The following SIM1 variants were observed in gnomAD, a reference collection of about 807,000 sequenced individuals.
SIM1 encodes single-minded homolog 1.
A neutral mutation model predicts 78.2 loss-of-function variants in SIM1; 18 were observed. The ratio of observed to expected loss-of-function variants is 0.23; its 90% CI spans 0.16 to 0.34. SIM1 has a LOEUF of 0.34. Ranked by LOEUF, SIM1 falls within the 10% of genes least tolerant of loss-of-function variation. SIM1 has a pLI of 1.00. For synonymous variants in SIM1, 417 were observed against 385.2 expected (o/e 1.08, Z -0.97); for missense variants, 939 against 975.1 (o/e 0.96, Z 0.49).
chr6:100,423,097 A>T (rs1771638315), intron 9 of SIM1, among the ~76,000 whole-genome samples: 1 of 152,174 alleles, frequency 6.6e-6, no homozygotes, highest in African/African-American at 2.4e-5. Flanking sequence ...TCACTGGTCT[A>T]CTTTTTAGCT....
rs1770565742 is a variant in SIM1, at chr6:100,388,752, T to C, written c.*1609A>G. 1 of 152,186 alleles carries C rather than the reference T, an allele frequency of 6.6e-6. No homozygotes were observed. The highest frequency in any genetic ancestry group is 2.4e-5 in the African/African-American group (1 of 41,448). The allele number at this position is 152,186 out of a possible 1,614,324, so 9.4% of individuals were successfully genotyped here. ...GGCACGGGACTCCTAGGAAATATTA[T>C]CTATGAAATCTCTCTAATCACTTAT... On this transcript the variant is annotated 3_prime_UTR_variant, in exon 12 of 12. Coordinates refer to ENST00000369208, the MANE Select transcript of SIM1 (RefSeq NM_005068.3).
intron 3 of SIM1, among the ~76,000 whole-genome samples, 166 bp from the exon 4 acceptor site, chr6:100,450,522 T>A (rs984637779): frequency 6.6e-6 from 1 of 152,148 alleles, no homozygotes; most frequent in East Asian, 1.9e-4. Flanking sequence ...AGCCCTTTTG[T>A]TCATTCTAAA....
At chr6:100,458,767 A>T (rs1211429738) in intron 2 of SIM1, among the ~76,000 whole-genome samples, 2 of 152,212 alleles carry the variant, frequency 1.3e-5, no homozygotes, top group East Asian at 1.9e-4. Flanking sequence ...GCCGAGGCCG[A>T]GTGACAAGGC....
intron 10 of SIM1, among the ~76,000 whole-genome samples, chr6:100,403,171 A>G (rs1770970510): frequency 6.6e-6 from 1 of 152,224 alleles, no homozygotes; most frequent in Admixed American, 6.5e-5. Context: ...CATTTTGCAA[A>G]TTAAAATATG....
At chr6:100,458,110 G>A (rs769889164) in intron 2 of SIM1, among the ~76,000 whole-genome samples, 19 of 149,062 alleles carry the variant, frequency 1.3e-4, no homozygotes, top group Non-Finnish European at 2.4e-4. Context: ...TGGGCTTCCC[G>A]TAGGGATAGA....
At chr6:100,435,110 G>C (rs1225962830) in intron 9 of SIM1, among the ~76,000 whole-genome samples, 3 of 152,216 alleles carry the variant, frequency 2.0e-5, no homozygotes, top group Admixed American at 2.0e-4. Context: ...ATGGGCTCAG[G>C]ATATCGACTG....
chr6:100,455,521 TCC>T (rs1772624469), intron 2 of SIM1, among the ~76,000 whole-genome samples: 1 of 152,084 alleles, frequency 6.6e-6, no homozygotes, highest in Non-Finnish European at 1.5e-5. Flanking sequence ...TCTTTCTAAA[TCC>T]CGGCTCCGAC....
intron 9 of SIM1, among the ~76,000 whole-genome samples, chr6:100,425,416 C>T (rs1208553978): frequency 6.6e-6 from 1 of 152,134 alleles, no homozygotes; most frequent in Non-Finnish European, 1.5e-5. Flanking sequence ...GCTAAGTTAG[C>T]AAATGGGGAC....
intron 10 of SIM1, among the ~76,000 whole-genome samples, chr6:100,401,489 T>C (rs1184298568): frequency 6.6e-6 from 1 of 152,078 alleles, no homozygotes; most frequent in Non-Finnish European, 1.5e-5. Context: ...AAGAGAATAT[T>C]CTTGTCCTTA....
intron 10 of SIM1, among the ~76,000 whole-genome samples, chr6:100,406,851 G>T (rs1562236994): frequency 6.6e-6 from 1 of 152,128 alleles, no homozygotes; most frequent in Non-Finnish European, 1.5e-5. Flanking sequence ...GAAAACTTAA[G>T]ATTATTCTTA....
At chr6:100,447,749 C>G (rs17060615) in intron 8 of SIM1, among the ~76,000 whole-genome samples, 38,290 of 152,186 alleles carry the variant, frequency 0.25, 5,216 homozygotes, top group East Asian at 0.4. Flanking sequence ...CTCCGGCGCT[C>G]ACGATCCCTG....
At chr6:100,443,986 T>A (rs1772285818) in intron 9 of SIM1, among the ~76,000 whole-genome samples, 1 of 152,126 alleles carries the variant, frequency 6.6e-6, no homozygotes, top group South Asian at 2.1e-4. Context: ...TATACTCTAG[T>A]GGGTTATCTT....
chr6:100,450,696 T>TCTCTCTCTCACA (rs1421452803), intron 3 of SIM1, among the ~76,000 whole-genome samples: 4,620 of 91,722 alleles, frequency 0.05, 121 homozygotes, highest in South Asian at 0.079. Context: ...TCTCTCTCTC[T>TCTCTCTCTCACA]CACACACACA....
At chr6:100,421,003 A>C (rs777346239) in intron 9 of SIM1, 45 bp from the exon 10 acceptor site, 1 of 1,579,858 alleles carries the variant, frequency 6.3e-7, no homozygotes, top group East Asian at 2.3e-5. Flanking sequence ...ACCATAGGAA[A>C]TGGATTCATG....
At chr6:100,415,817 C>G (rs1771383770) in intron 10 of SIM1, among the ~76,000 whole-genome samples, 1 of 152,106 alleles carries the variant, frequency 6.6e-6, no homozygotes, top group South Asian at 2.1e-4. Flanking sequence ...CCAGAAAGAG[C>G]AGACAGTAAA....
Position 100,420,780 on chromosome 6 carries a change from A to C in SIM1, c.1167+10T>G. On this transcript the variant is annotated intron_variant, in intron 10 of 11. Coordinates refer to ENST00000369208, the MANE Select transcript of SIM1 (RefSeq NM_005068.3). ...AAAAAAAGAAAGTTGCAAAACAGCA[A>C]TGCACTTACCTGAGGGTATGGGGAA... The C allele has an allele frequency of 1.2e-6, 2 of 1,614,018 alleles. No individual in the cohort carries two copies. Among genetic ancestry groups the C allele is most frequent in the Non-Finnish European group, 1.7e-6 (2 of 1,179,880 alleles).
At chr6:100,445,944 A>T (rs754550657) in intron 9 of SIM1, among the ~76,000 whole-genome samples, 2 of 152,170 alleles carry the variant, frequency 1.3e-5, no homozygotes, top group Non-Finnish European at 2.9e-5. Flanking sequence ...GTTTTGTTTC[A>T]TGAAACCCAA....
At position 100,387,759 on chromosome 6, in the gene SIM1, C is replaced by T. The variant is rs1256617378; in HGVS notation, c.*2602G>A. ...GAGCATTATTCCTTCTGATTACTCT[C>T]ATCTGTGAAATTCATAATTTCTTCT... On this transcript the variant is annotated 3_prime_UTR_variant, in exon 12 of 12. Coordinates refer to ENST00000369208, the MANE Select transcript of SIM1 (RefSeq NM_005068.3). 1 of 152,114 alleles carries T rather than the reference C, an allele frequency of 6.6e-6. No individual in the cohort carries two copies. The highest frequency in any genetic ancestry group is 2.4e-5 in the African/African-American group (1 of 41,448). The allele number at this position is 152,114 out of a possible 1,614,324, so 9.4% of individuals were successfully genotyped here.
At chr6:100,449,723 TCGC>T in intron 4 of SIM1, 24 bp from the exon 5 acceptor site, 1 of 1,593,286 alleles carries the variant, frequency 6.3e-7, no homozygotes, top group Non-Finnish European at 8.6e-7. Flanking sequence ...GATGTCGCCG[TCGC>T]CGTGGCGGTG....
Sources: allele counts gnomAD v4.1 joint callset (sites outside exome capture counted in the v4.1 genomes callset), GRCh38; gene constraint gnomAD v4.1.1; transcripts MANE v1.5; gene names NCBI Gene and HGNC (gene_info 2026-07-23, HGNC 2026-07-21).